Variants in ZFP14 observed in about 807,000 individuals in gnomAD.
ZFP14 encodes the protein ZFP14 zinc finger protein, also known as zinc finger protein 14 homolog.
A neutral mutation model predicts 54.5 loss-of-function variants in ZFP14; 22 were observed. The ratio of observed to expected loss-of-function variants is 0.40; its 90% CI spans 0.29 to 0.58. The LOEUF is 0.58. Ranked by LOEUF, ZFP14 falls within the 20% of genes least tolerant of loss-of-function variation. The pLI, the probability that ZFP14 is intolerant of heterozygous loss-of-function variation, is 0.39. For missense variants in ZFP14, 470 were observed against 637.8 expected (o/e 0.74, Z 2.83); for synonymous variants, 159 against 204.0 (o/e 0.78, Z 1.88).
At chr19:36,365,228 A>G (rs1050757264) in intron 2 of ZFP14, among the ~76,000 whole-genome samples, 1 of 151,752 alleles carries the variant, frequency 6.6e-6, no homozygotes, top group Non-Finnish European at 1.5e-5. Context: ...CCCTCCAACT[A>G]GCTTTGCACA....
chr19:36,341,471 A>G lies in ZFP14; in HGVS notation c.355T>C (p.Phe119Leu). 6.2e-7 allele frequency: 1 copy of G among 1,614,172 alleles called. No homozygotes were observed. The highest frequency in any genetic ancestry group is 8.5e-7 in the Non-Finnish European group (1 of 1,180,028). The change falls in exon 5 of 5, where the codon TTT becomes CTT. Residue 119 changes from phenylalanine (F) to leucine (L), a missense_variant. By Grantham distance (22) the Phe-to-Leu change is conservative (BLOSUM62 0). Coordinates refer to ENST00000270001, the MANE Select transcript of ZFP14 (RefSeq NM_020917.3). This position sits in a 1 kb window ranked among gnomAD's most constrained non-coding sequence, Gnocchi z 4.2. ...CTTTTGCATTCCCAATCATTCCTAAAAATGGAACCCTGAAGGCTATAGCTT... is the reference window on the plus strand; with the variant it reads ...CTTTTGCATTCCCAATCATTCCTAAGAATGGAACCCTGAAGGCTATAGCTT... The part of the protein sequence containing the change: ...IKSYSLQGSI[F>L]RNDWECKSKI...
At chr19:36,365,988 T>C (rs1021677370) in intron 2 of ZFP14, among the ~76,000 whole-genome samples, 1 of 146,236 alleles carries the variant, frequency 6.8e-6, no homozygotes, top group African/African-American at 2.5e-5. Flanking sequence ...GGTGTCATGG[T>C]GGATGGTGGC....
intron 2 of ZFP14, among the ~76,000 whole-genome samples, chr19:36,363,398 C>T (rs1415036065): frequency 4.0e-5 from 6 of 151,510 alleles, no homozygotes; most frequent in African/African-American, 7.3e-5. Context: ...GGTTTCTCCG[C>T]GTTAATTAGG....
chr19:36,351,773 T>C (rs1159508107), intron 4 of ZFP14, among the ~76,000 whole-genome samples: 1 of 142,698 alleles, frequency 7.0e-6, no homozygotes, highest in African/African-American at 2.6e-5. Flanking sequence ...GTAGGAGAAT[T>C]GCTTGAGCCC....
intron 4 of ZFP14, among the ~76,000 whole-genome samples, chr19:36,351,084 A>G (rs575037081): frequency 6.9e-6 from 1 of 144,276 alleles, no homozygotes; most frequent in Non-Finnish European, 1.5e-5. Flanking sequence ...AAAGCAATGC[A>G]ATGCAGAAAA....
chr19:36,356,465 C>G (rs371817250), intron 4 of ZFP14, among the ~76,000 whole-genome samples: 2 of 151,912 alleles, frequency 1.3e-5, no homozygotes, highest in South Asian at 2.1e-4. Context: ...TGGTATATTC[C>G]ATAGAGCTTA....
At chr19:36,365,150 G>A (rs2031775152) in intron 2 of ZFP14, among the ~76,000 whole-genome samples, 1 of 151,532 alleles carries the variant, frequency 6.6e-6, no homozygotes, top group African/African-American at 2.4e-5. Context: ...TTACAGGCGT[G>A]AGCCACTACA....
In ZFP14 at chr19:36,341,096, T is replaced by C; in HGVS notation, c.730A>G (p.Thr244Ala). The change falls in exon 5 of 5, where the codon ACT becomes GCT. Residue 244 changes from threonine to alanine, a missense_variant. Transcript: ENST00000270001. This position sits in a 1 kb window ranked among gnomAD's most constrained non-coding sequence, Gnocchi z 4.2. ...GKAFTVLQEL[T>A]QHQRLHTGEK... ...CCCGTATGAAGTCTCTGATGTTGAG[T>C]AAGTTCTTGGAGCACTGTAAAGGCC... is the stretch of plus-strand genomic sequence containing the variant. The C allele has an allele frequency of 6.2e-7, 1 of 1,614,040 alleles. No homozygotes were observed. The highest frequency in any genetic ancestry group is 8.5e-7 in the Non-Finnish European group (1 of 1,179,982).
rs1418822342 is a variant in ZFP14 at position 36,355,176 on chromosome 19, T to A, written c.235+5259A>T. The stretch of plus-strand genomic sequence containing the variant: ...TTTGCCAAATAAATAAAGGAATATA[T>A]TTCTAGCCAATGAAAGACATATCAA... On this transcript the variant is annotated intron_variant, in intron 4 of 4. Transcript: ENST00000270001. Among the ~76,000 whole-genome samples the A allele has an allele frequency of 1.4e-5, 2 of 143,596 alleles. 1 individual carries two copies. Among genetic ancestry groups the A allele is most frequent in the East Asian group, 4.1e-4 (2 of 4,844 alleles). 94.2% of individuals were successfully genotyped at this position (143,596 alleles called of 152,430 possible).
At chr19:36,364,184 C>A in intron 2 of ZFP14, among the ~76,000 whole-genome samples, 1 of 152,072 alleles carries the variant, frequency 6.6e-6, no homozygotes, top group African/African-American at 2.4e-5. Flanking sequence ...GGGATCCCTG[C>A]CCTAAAAAGT....
Position 36,337,416 on chromosome 19 carries a change from A to G in ZFP14, c.*2808T>C, listed in dbSNP as rs1174860196. ...AAAATACTCAAAAAAAAACAATAAA[A>G]ATAAAATACAATAAAAATAATGCAA... On this transcript the variant is annotated 3_prime_UTR_variant, in exon 5 of 5. Transcript: ENST00000270001. 1 of 152,190 alleles carries G rather than the reference A, an allele frequency of 6.6e-6. No individual in the cohort carries two copies. Among genetic ancestry groups the G allele is most frequent in the Non-Finnish European group, 1.5e-5 (1 of 68,042 alleles). The allele number at this position is 152,190 out of a possible 1,614,324, so 9.4% of individuals were successfully genotyped here.
At chr19:36,367,505 G>T (rs1213878592) in intron 2 of ZFP14, among the ~76,000 whole-genome samples, 3 of 151,916 alleles carry the variant, frequency 2.0e-5, no homozygotes, top group Non-Finnish European at 4.4e-5. Context: ...TTTTGAGATG[G>T]TGTCTTGCTC....
At chr19:36,362,353 A>G (rs1568471442) in intron 2 of ZFP14, 115 bp from the exon 3 acceptor site, 1 of 1,145,714 alleles carries the variant, frequency 8.7e-7, no homozygotes, top group Non-Finnish European at 1.2e-6. Flanking sequence ...TGCAAACAGC[A>G]TTGGGCTGAA....
chr19:36,365,930 G>A (rs939231716), intron 2 of ZFP14, among the ~76,000 whole-genome samples: 8 of 150,478 alleles, frequency 5.3e-5, no homozygotes, highest in Non-Finnish European at 7.4e-5. Context: ...ACCGCATTCC[G>A]GCCTGGGTGA....
intron 1 of ZFP14, among the ~76,000 whole-genome samples, chr19:36,369,933 C>T (rs1310714713): frequency 2.0e-5 from 3 of 152,160 alleles, no homozygotes; most frequent in African/African-American, 7.2e-5. Flanking sequence ...CTCCCGGGCT[C>T]AAGCAATCCT....
rs1156537403 is a variant in ZFP14 at position 36,339,580 on chromosome 19, G to A, written c.*644C>T. ...TGAAGCAAGCAGCCATGTTGATGAG[G>A]CTATTGTGGCCAGGAGCTGCAGTCA... On this transcript the variant is annotated 3_prime_UTR_variant, in exon 5 of 5. Coordinates refer to ENST00000270001, the MANE Select transcript of ZFP14 (RefSeq NM_020917.3). 3 of 152,238 alleles carry A rather than the reference G, an allele frequency of 2.0e-5. No homozygotes were observed. Among genetic ancestry groups the A allele is most frequent in the Non-Finnish European group, 4.4e-5 (3 of 68,054 alleles). The allele number at this position is 152,238 out of a possible 1,614,324, so 9.4% of individuals were successfully genotyped here.
At chr19:36,344,853 C>G (rs559218017) in intron 4 of ZFP14, among the ~76,000 whole-genome samples, 3 of 152,302 alleles carry the variant, frequency 2.0e-5, no homozygotes, top group South Asian at 4.1e-4. Flanking sequence ...ACATTGTCTT[C>G]CACAAAACTG....
intron 4 of ZFP14, among the ~76,000 whole-genome samples, chr19:36,356,880 C>T (rs2031623149): frequency 6.6e-6 from 1 of 151,904 alleles, no homozygotes; most frequent in African/African-American, 2.4e-5. Context: ...AATTGGGCTA[C>T]TTATCATTTA....
In ZFP14 at chr19:36,349,257, CA is replaced by C. The variant is rs1171155676; in HGVS notation, c.236-7668del. On this transcript the variant is annotated intron_variant, in intron 4 of 4. Coordinates refer to ENST00000270001, the MANE Select transcript of ZFP14 (RefSeq NM_020917.3). The stretch of plus-strand genomic sequence containing the variant: ...AAAAAAAAAAACAAAAAAAAAAAAA[CA>C]AAAAAAAAAAAACAGGAAGAACATA... Among the ~76,000 whole-genome samples, 27 of 42,238 alleles carry C rather than the reference CA, an allele frequency of 6.4e-4. 3 individuals carry two copies. Among genetic ancestry groups the C allele is most frequent in the African/African-American group, 1.7e-3 (15 of 9,034 alleles). The allele number at this position is 42,238 out of a possible 152,430, so 27.7% of individuals were successfully genotyped here. A position where few individuals can be genotyped will look rare whatever the true frequency, so the allele number is the denominator to read the frequency against.
Sources: gnomAD v4.1 joint callset for allele counts (sites outside exome capture counted in the v4.1 genomes callset) on GRCh38, gnomAD v4.1.1 for gene constraint, Gnocchi (gnomAD v3.1) non-coding constraint, MANE v1.5 for transcripts, NCBI Gene and HGNC (gene_info 2026-07-23, HGNC 2026-07-21) for gene names.